PEMT: variants seen among roughly 807,000 people sequenced by gnomAD.
PEMT encodes the protein phosphatidylethanolamine N-methyltransferase.
In PEMT, 23 loss-of-function variants were observed where a neutral mutation model predicts 27.4. The observed-to-expected ratio is 0.84, with a 90% CI of 0.60 to 1.19. The LOEUF is 1.19. Ranked by LOEUF, PEMT falls within the 50% of genes most tolerant of loss-of-function variation. The pLI is 0.00. For synonymous variants in PEMT, 137 were observed against 139.1 expected, an observed-to-expected ratio of 0.98 and a Z score of 0.11; for missense variants, 307 against 310.1, an observed-to-expected ratio of 0.99 and a Z score of 0.07.
chr17:17,569,691 T>G (rs1352891038), intron 2 of PEMT, among the ~76,000 whole-genome samples: 1 of 152,226 alleles, frequency 6.6e-6, no homozygotes, highest in Non-Finnish European at 1.5e-5. Context: ...GAAGTAGGGT[T>G]CCAACTTGCT....
intron 2 of PEMT, among the ~76,000 whole-genome samples, chr17:17,535,973 CTG>C (rs1312743661): frequency 6.6e-6 from 1 of 152,232 alleles, no homozygotes; most frequent in East Asian, 1.9e-4. Flanking sequence ...CCCTTGGGTT[CTG>C]TGAGGGCCTT....
chr17:17,547,365 G>A lies in PEMT; in HGVS notation c.205-24970C>T, dbSNP rs567136202. Among the ~76,000 whole-genome samples the A allele has an allele frequency of 2.0e-5, 3 of 152,392 alleles. No homozygotes were observed. In the South Asian group the frequency reaches 6.2e-4, roughly 32 times the overall value. On this transcript the variant is annotated intron_variant, in intron 2 of 6. Coordinates refer to ENST00000255389, the MANE Select transcript of PEMT (RefSeq NM_148172.3). The stretch of plus-strand genomic sequence containing the variant: ...AGCAGGCGAGGCGTTCAGGGCCTCT[G>A]CCCAAGGGGGCCTCCTGTCTGTGCC...
Position 17,513,468 on chromosome 17 carries a change from G to A in PEMT, c.321-814C>T, listed in dbSNP as rs1906570445. On this transcript the variant is annotated intron_variant, in intron 3 of 6. Transcript: ENST00000255389. This position sits in a 1 kb window ranked among gnomAD's most constrained non-coding sequence, Gnocchi z 4.1. ...AAAAATTAGCTGGGTGTGGTGGTGG[G>A]CACCTGGAATCCCAGCTACTTGAGA... Among the ~76,000 whole-genome samples the A allele has an allele frequency of 6.6e-6, 1 of 152,146 alleles. No individual in the cohort carries two copies.
rs1206750830 is a variant in PEMT, at chr17:17,582,666, C to T, written c.97-5639G>A. 6.6e-6 allele frequency among the ~76,000 whole-genome samples: 1 copy of T among 152,222 alleles called. No individual in the cohort carries two copies. The highest frequency in any genetic ancestry group is 1.5e-5 in the Non-Finnish European group (1 of 68,038). ...CAGAGCTGCCCTCATGCCCTGGCAC[C>T]ATAAGCTGACTCGGGTAACGTTTAT... On this transcript the variant is annotated intron_variant, in intron 1 of 6. Coordinates refer to ENST00000255389, the MANE Select transcript of PEMT (RefSeq NM_148172.3). This position sits in a 1 kb window ranked among gnomAD's most constrained non-coding sequence, Gnocchi z 4.9.
intron 2 of PEMT, among the ~76,000 whole-genome samples, chr17:17,539,880 G>A (rs538085011): frequency 6.6e-6 from 1 of 152,344 alleles, no homozygotes; most frequent in African/African-American, 2.4e-5. Context: ...TCTCAGGAGC[G>A]TGGGCAGGAG....
In PEMT at chr17:17,512,080, C is replaced by T. The variant is rs1906451450; in HGVS notation, c.466+429G>A. ...CCACAATCCTGCCTGGCCTGAGAGCCACGCGTGCCGGGAGCTGCCAGAGAG... is the reference window on the plus strand; with the variant it reads ...CCACAATCCTGCCTGGCCTGAGAGCTACGCGTGCCGGGAGCTGCCAGAGAG... On this transcript the variant is annotated intron_variant, in intron 4 of 6. Coordinates refer to ENST00000255389, the MANE Select transcript of PEMT (RefSeq NM_148172.3). This position sits in a 1 kb window ranked among gnomAD's most constrained non-coding sequence, Gnocchi z 6.3. Among the ~76,000 whole-genome samples, 1 of 152,208 alleles carries T rather than the reference C, an allele frequency of 6.6e-6. No individual in the cohort carries two copies. Among genetic ancestry groups the T allele is most frequent in the Admixed American group, 6.5e-5 (1 of 15,284 alleles).
intron 2 of PEMT, among the ~76,000 whole-genome samples, chr17:17,576,212 G>A (rs1911575787): frequency 6.6e-6 from 1 of 152,056 alleles, no homozygotes; most frequent in African/African-American, 2.4e-5. Flanking sequence ...AGGTGTGGGA[G>A]GCATCTCAGA....
intron 1 of PEMT, among the ~76,000 whole-genome samples, chr17:17,590,522 C>T (rs1438027969): frequency 6.6e-6 from 1 of 152,088 alleles, no homozygotes; most frequent in East Asian, 1.9e-4. Context: ...AACTCTCTGG[C>T]TTTCCAGGCC....
chr17:17,577,934 A>G (rs1034098983), intron 1 of PEMT, among the ~76,000 whole-genome samples: 9 of 150,770 alleles, frequency 6.0e-5, no homozygotes, highest in South Asian at 2.1e-4. Flanking sequence ...GGAGAATGGC[A>G]TGAACCTGGG....
intron 2 of PEMT, among the ~76,000 whole-genome samples, chr17:17,549,777 C>T (rs1009085266): frequency 6.6e-6 from 1 of 152,242 alleles, no homozygotes; most frequent in African/African-American, 2.4e-5. Flanking sequence ...TCTGTCCATC[C>T]TCTTGGGCAA....
At chr17:17,552,132 G>T (rs950149967) in intron 2 of PEMT, among the ~76,000 whole-genome samples, 21 of 152,074 alleles carry the variant, frequency 1.4e-4, no homozygotes, top group African/African-American at 3.9e-4. Context: ...AACCTGGGAG[G>T]TGGAGGTTGT....
Position 17,506,306 on chromosome 17 carries a change from A to C in PEMT, c.579-5T>G. 1.9e-6 allele frequency: 3 copies of C among 1,569,392 alleles called. No homozygotes were observed. The highest frequency in any genetic ancestry group is 2.6e-6 in the Non-Finnish European group (3 of 1,156,258). On this transcript the variant is annotated splice_region_variant and splice_polypyrimidine_tract_variant and intron_variant, in intron 5 of 6. Transcript: ENST00000255389. The stretch of plus-strand genomic sequence containing the variant: ...AGGCCCGTGGGGCTGGCGTGCCTGA[A>C]AGGACAGAGGCAGGTCAGGCCTGGC...
At chr17:17,574,978 G>A (rs763418996) in intron 2 of PEMT, among the ~76,000 whole-genome samples, 6 of 152,212 alleles carry the variant, frequency 3.9e-5, no homozygotes, top group Non-Finnish European at 7.3e-5. Context: ...TCTTCCAGCA[G>A]GGGTCTTTGG....
At chr17:17,514,996 G>A (rs572985095) in intron 3 of PEMT, among the ~76,000 whole-genome samples, 1 of 152,330 alleles carries the variant, frequency 6.6e-6, no homozygotes, top group East Asian at 1.9e-4. Flanking sequence ...GCCTCGGCCC[G>A]GCAGGGTTTG....
chr17:17,527,103 T>A (rs1907724153), intron 2 of PEMT, among the ~76,000 whole-genome samples: 2 of 152,222 alleles, frequency 1.3e-5, no homozygotes, highest in Admixed American at 6.5e-5. Flanking sequence ...AACGGCGCAA[T>A]CTCGGCTCAC....
intron 2 of PEMT, among the ~76,000 whole-genome samples, chr17:17,567,633 C>T (rs183538407): frequency 6.6e-6 from 1 of 152,392 alleles, no homozygotes; most frequent in Non-Finnish European, 1.5e-5. Context: ...TGAAGCTAGA[C>T]CTGCCATTCG....
intron 2 of PEMT, among the ~76,000 whole-genome samples, chr17:17,569,515 A>G (rs1911047997): frequency 6.6e-6 from 1 of 152,164 alleles, no homozygotes; most frequent in East Asian, 1.9e-4. Context: ...GGGGACAAAC[A>G]AAGGCACCAG....
At chr17:17,542,260 C>T (rs923063956) in intron 2 of PEMT, among the ~76,000 whole-genome samples, 5 of 152,182 alleles carry the variant, frequency 3.3e-5, no homozygotes, top group Non-Finnish European at 5.9e-5. Context: ...GGATTACAGG[C>T]GTGAGCCACT....
intron 3 of PEMT, among the ~76,000 whole-genome samples, chr17:17,516,032 C>T (rs538634818): frequency 3.9e-5 from 6 of 152,320 alleles, no homozygotes; most frequent in Admixed American, 2.0e-4. Flanking sequence ...CAGAGGCACA[C>T]GGCCCCACCT....
Sources: allele counts gnomAD v4.1 joint callset (sites outside exome capture counted in the v4.1 genomes callset), GRCh38; gene constraint gnomAD v4.1.1; non-coding constraint Gnocchi (gnomAD v3.1); transcripts MANE v1.5; gene names NCBI Gene and HGNC (gene_info 2026-07-23, HGNC 2026-07-21).